The following HEXB variants were observed in gnomAD, a reference collection of about 807,000 sequenced individuals.
HEXB encodes beta-hexosaminidase subunit beta.
HEXB carries 51 observed loss-of-function variants against 71.2 expected under a neutral mutation model. The ratio of observed to expected loss-of-function variants is 0.72; its 90% CI spans 0.57 to 0.90. The LOEUF (loss-of-function observed/expected upper bound fraction) is 0.90, where lower values mean the gene tolerates loss of function less well. Ranked by LOEUF, HEXB falls within the 40% of genes least tolerant of loss-of-function variation. HEXB has a pLI of 0.00. For synonymous variants in HEXB, 266 were observed against 249.3 expected, an observed-to-expected ratio of 1.07 and a Z score of -0.63; for missense variants, 617 against 677.0, an observed-to-expected ratio of 0.91 and a Z score of 0.98.
chr5:74,698,505 C>A (rs1749171414), intron 5 of HEXB, among the ~76,000 whole-genome samples: 1 of 152,034 alleles, frequency 6.6e-6, no homozygotes, highest in South Asian at 2.1e-4. Flanking sequence ...AATTCTCCTG[C>A]CTCGGCCTCC....
At chr5:74,715,097 T>C (rs895695603) in intron 7 of HEXB, among the ~76,000 whole-genome samples, 4 of 152,150 alleles carry the variant, frequency 2.6e-5, no homozygotes, top group Admixed American at 2.0e-4. Context: ...ATGGTACCCT[T>C]ATTAGAATAC....
intron 8 of HEXB, among the ~76,000 whole-genome samples, chr5:74,715,945 A>G (rs949779355): frequency 1.5e-5 from 2 of 136,444 alleles, no homozygotes; most frequent in Non-Finnish European, 3.1e-5. Flanking sequence ...TGAACCTGGG[A>G]GGAAGAGATT....
intron 1 of HEXB, among the ~76,000 whole-genome samples, chr5:74,646,989 CA>C (rs1198933033): frequency 6.6e-6 from 1 of 152,190 alleles, no homozygotes; most frequent in Non-Finnish European, 1.5e-5. Context: ...GTAGCCCTGC[CA>C]AAACACATCA....
chr5:74,720,401 G>A lies in HEXB; in HGVS notation c.1418-27G>A, dbSNP rs1241467219. ...CTCTGTGTATAAGCTTTGAACTTCT[G>A]AACTTAATTCAATGATTTTAATTTA... On this transcript the variant is annotated intron_variant, in intron 11 of 13. Transcript: ENST00000261416. The A allele has an allele frequency of 2.7e-6, 4 of 1,478,688 alleles. No homozygotes were observed. In the South Asian group the frequency reaches 3.4e-5, roughly 13 times the overall value. The allele number at this position is 1,478,688 out of a possible 1,614,324, so 91.6% of individuals were successfully genotyped here.
At chr5:74,718,503 G>C (rs1234969944) in intron 10 of HEXB, 140 bp downstream of exon 10, 1 of 765,108 alleles carries the variant, frequency 1.3e-6, no homozygotes, top group Non-Finnish European at 2.3e-6. Flanking sequence ...ATAGTTCCAA[G>C]CTAGGTTTGG....
At chr5:74,682,872 A>T (rs919615546), upstream of HEXB, among the ~76,000 whole-genome samples, 6 of 152,194 alleles carry the variant, frequency 3.9e-5, no homozygotes, top group African/African-American at 1.4e-4. Context: ...CTTATAACAA[A>T]AGAGCAGATT....
intron 1 of HEXB, among the ~76,000 whole-genome samples, chr5:74,665,845 C>A (rs1748422913): frequency 6.6e-6 from 1 of 152,018 alleles, no homozygotes; most frequent in African/African-American, 2.4e-5. Context: ...GGTTCCCTTA[C>A]TTTTCAAGTT....
chr5:74,688,398 C>T (rs1748921104), intron 1 of HEXB, among the ~76,000 whole-genome samples: 1 of 150,212 alleles, frequency 6.7e-6, no homozygotes, highest in African/African-American at 2.4e-5. Context: ...GTGGTGCGAT[C>T]TTGGCTCACT....
intron 5 of HEXB, among the ~76,000 whole-genome samples, chr5:74,703,142 G>A (rs1261352427): frequency 1.3e-5 from 2 of 152,196 alleles, no homozygotes; most frequent in Non-Finnish European, 2.9e-5. Context: ...TAGTAGAGAT[G>A]GGGTTTCGCC....
intron 8 of HEXB, among the ~76,000 whole-genome samples, chr5:74,715,958 A>C (rs1290394487): frequency 7.2e-6 from 1 of 139,462 alleles, no homozygotes; most frequent in East Asian, 2.3e-4. Context: ...AAGAGATTGC[A>C]GTGAGCTGAG....
At chr5:74,709,728 G>C (rs957344446) in intron 6 of HEXB, among the ~76,000 whole-genome samples, 16 of 152,128 alleles carry the variant, frequency 1.1e-4, no homozygotes, top group Admixed American at 7.2e-4. Flanking sequence ...ACTCTCCCAA[G>C]ACTAAACCAG....
chr5:74,682,341 G>T (rs1437770675), upstream of HEXB, among the ~76,000 whole-genome samples: 1 of 152,202 alleles, frequency 6.6e-6, no homozygotes, highest in Non-Finnish European at 1.5e-5. Flanking sequence ...CTGGGCGATA[G>T]AGCGAGACTC....
intron 1 of HEXB, among the ~76,000 whole-genome samples, chr5:74,688,208 G>T: frequency 6.8e-6 from 1 of 146,494 alleles, no homozygotes; most frequent in Middle Eastern, 3.5e-3. Flanking sequence ...TCTGATTTTT[G>T]GATACCAACA....
intron 1 of HEXB, among the ~76,000 whole-genome samples, chr5:74,658,325 A>G (rs1296260556): frequency 6.6e-6 from 1 of 152,226 alleles, no homozygotes; most frequent in African/African-American, 2.4e-5. Context: ...ACAGATGTCA[A>G]TAATAACTAA....
chr5:74,698,798 A>G (rs989365389), intron 5 of HEXB, among the ~76,000 whole-genome samples: 1 of 152,244 alleles, frequency 6.6e-6, no homozygotes, highest in African/African-American at 2.4e-5. Flanking sequence ...AACAATATAA[A>G]TGTGCATAAA....
chr5:74,671,864 G>A (rs1004141188), intron 1 of HEXB, among the ~76,000 whole-genome samples: 1 of 152,076 alleles, frequency 6.6e-6, no homozygotes, highest in African/African-American at 2.4e-5. Context: ...ATGCTTCCTG[G>A]GTGTCCGATT....
intron 1 of HEXB, among the ~76,000 whole-genome samples, chr5:74,653,207 A>G (rs1043689784): frequency 6.6e-6 from 1 of 152,224 alleles, no homozygotes; most frequent in African/African-American, 2.4e-5. Context: ...CCCTTCAAGT[A>G]CCATGACTCA....
In HEXB at chr5:74,711,728, A is replaced by T. The variant is rs543688945; in HGVS notation, c.772-1778A>T. On this transcript the variant is annotated intron_variant, in intron 6 of 13. Coordinates refer to ENST00000261416, the MANE Select transcript of HEXB (RefSeq NM_000521.4). ...TCAGAGAAATGCAAATCAAAACCAC[A>T]ATGAGATACCATCTCACACCATTTA... Among the ~76,000 whole-genome samples, 53 of 152,214 alleles carry T rather than the reference A, an allele frequency of 3.5e-4. 2 individuals are homozygous for T. The South Asian group carries it at 0.011, about 30-fold the overall frequency.
intron 5 of HEXB, among the ~76,000 whole-genome samples, chr5:74,702,662 A>C (rs962347152): frequency 2.0e-5 from 3 of 152,206 alleles, no homozygotes; most frequent in East Asian, 1.9e-4. Context: ...CAAGTAATTA[A>C]GTATCTTGTG....
Sources: allele counts gnomAD v4.1 joint callset (sites outside exome capture counted in the v4.1 genomes callset), GRCh38; gene constraint gnomAD v4.1.1; transcripts MANE v1.5; gene names NCBI Gene and HGNC (gene_info 2026-07-23, HGNC 2026-07-21).